ST6GAL2: variants seen among roughly 807,000 people sequenced by gnomAD.
ST6GAL2 encodes the protein beta-galactoside alpha-2,6-sialyltransferase 2.
ST6GAL2 carries 24 observed loss-of-function variants against 37.5 expected under a neutral mutation model. That is an observed-to-expected ratio of 0.64 (90% CI 0.46 to 0.90). The LOEUF is 0.90. ST6GAL2 is among the 40% of genes least tolerant of loss of function. The pLI, the probability that ST6GAL2 is intolerant of heterozygous loss-of-function variation, is 0.00. For synonymous variants in ST6GAL2, 306 were observed against 295.1 expected (o/e 1.04, Z -0.38); for missense variants, 715 against 712.7 (o/e 1.00, Z -0.04).
intron 2 of ST6GAL2, chr2:106,834,474 A>G (rs1414633038): frequency 8.6e-6 from 2 of 232,344 alleles, no homozygotes; most frequent in Non-Finnish European, 1.7e-5. Flanking sequence ...AAAGCTTCCA[A>G]TACATCTTGA....
At position 106,843,731 on chromosome 2, in the gene ST6GAL2, C is replaced by T. The variant is rs762905808; in HGVS notation, c.247G>A (p.Ala83Thr). The T allele has an allele frequency of 2.5e-6, 4 of 1,612,244 alleles. No individual in the cohort carries two copies. The highest frequency in any genetic ancestry group is 3.4e-6 in the Non-Finnish European group (4 of 1,179,604). The change falls in exon 2 of 6, where the codon GCC becomes ACC. Residue 83 changes from alanine (A) to threonine (T), a missense_variant. By Grantham distance (58) the Ala-to-Thr change is moderately conservative (BLOSUM62 0). Transcript: ENST00000409382. The stretch of plus-strand genomic sequence containing the variant: ...GCATGAAAGGAACCGGCTGGGTGGG[C>T]GCGGGGCAGCGCCTGGCGTGCGTCC... ...GLDARQALPR[A>T]HPAGSFHAGP...
rs1675307451 is a variant in ST6GAL2 at position 106,802,998 on chromosome 2, G to A, written c.*3680C>T. ...TCATCTAAGACTGATCCCACTTAAA[G>A]CACCCAAACGGGACCTACCTAATTA... On this transcript the variant is annotated 3_prime_UTR_variant, in exon 6 of 6. Coordinates refer to ENST00000409382, the MANE Select transcript of ST6GAL2 (RefSeq NM_001142351.2). The A allele has an allele frequency of 6.6e-6, 1 of 152,114 alleles. No homozygotes were observed. 9.4% of individuals were successfully genotyped at this position (152,114 alleles called of 1,614,324 possible).
chr2:106,880,612 A>T (rs1209426511), intron 1 of ST6GAL2, among the ~76,000 whole-genome samples: 2 of 152,246 alleles, frequency 1.3e-5, no homozygotes, highest in Non-Finnish European at 2.9e-5. Context: ...TGTTTTCCAT[A>T]TGTATCCTAT....
At chr2:106,857,354 G>A (rs1464031042) in intron 1 of ST6GAL2, among the ~76,000 whole-genome samples, 1 of 152,108 alleles carries the variant, frequency 6.6e-6, no homozygotes, top group Non-Finnish European at 1.5e-5. Flanking sequence ...TGTAATCCCA[G>A]CACTTTGGGA....
chr2:106,853,259 C>T (rs1323854379), intron 1 of ST6GAL2, among the ~76,000 whole-genome samples: 1 of 152,180 alleles, frequency 6.6e-6, no homozygotes, highest in Non-Finnish European at 1.5e-5. Flanking sequence ...TTTCCCATGC[C>T]CCGCCTTCGT....
chr2:106,874,474 T>C (rs1186983035), intron 1 of ST6GAL2, among the ~76,000 whole-genome samples: 1 of 152,056 alleles, frequency 6.6e-6, no homozygotes, highest in Non-Finnish European at 1.5e-5. Flanking sequence ...GTGTTCGGTA[T>C]GCAATGGACG....
At chr2:106,844,662 G>A (rs1342466448) in intron 1 of ST6GAL2, among the ~76,000 whole-genome samples, 1 of 152,166 alleles carries the variant, frequency 6.6e-6, no homozygotes, top group African/African-American at 2.4e-5. Context: ...TTATTTCAGG[G>A]TGCCTGTTGT....
At chr2:106,869,363 T>C (rs895100574) in intron 1 of ST6GAL2, among the ~76,000 whole-genome samples, 2 of 152,212 alleles carry the variant, frequency 1.3e-5, no homozygotes, top group African/African-American at 2.4e-5. Context: ...AGGGCTACTC[T>C]GTCAATTTTC....
intron 5 of ST6GAL2, among the ~76,000 whole-genome samples, chr2:106,810,274 T>C (rs954526609): frequency 6.6e-6 from 1 of 152,224 alleles, no homozygotes; most frequent in African/African-American, 2.4e-5. Flanking sequence ...ATAGGCACAC[T>C]TTTAGTATTT....
At chr2:106,830,264 G>A (rs777425852) in intron 4 of ST6GAL2, 24 bp from the exon 5 acceptor site, 1 of 1,595,366 alleles carries the variant, frequency 6.3e-7, no homozygotes, top group Admixed American at 1.7e-5. Flanking sequence ...AATCAATGCA[G>A]TCAAGTAGAA....
Position 106,843,605 on chromosome 2 carries a change from A to T in ST6GAL2, c.373T>A (p.Tyr125Asn). Residue 125 changes from tyrosine (Y) to asparagine (N), a missense_variant, in exon 2 of 6, where the codon TAC becomes AAC. Tyr to Asn is a moderately radical substitution (Grantham distance 143, BLOSUM62 -2). Coordinates refer to ENST00000409382, the MANE Select transcript of ST6GAL2 (RefSeq NM_001142351.2). ...AAAAAGTAGTCGTCATCCTCCGGGT[A>T]GAAAGCACTTTGAGATTTTCTCCCC... ...QVGRKSQSAF[Y>N]PEDDDYFFAA... 1 of 1,614,020 alleles carries T rather than the reference A, an allele frequency of 6.2e-7. No homozygotes were observed. Among genetic ancestry groups the T allele is most frequent in the South Asian group, 1.1e-5 (1 of 91,086 alleles).
rs140477616 is a variant in ST6GAL2, at chr2:106,815,532, T to C, written c.1319-8583A>G. ...CTATTTTCACCTTGATTATAGGTCT[T>C]AATGAAAGAACAGTCCTTTTCTGTT... On this transcript the variant is annotated intron_variant, in intron 5 of 5. Transcript: ENST00000409382. 3.4e-3 allele frequency among the ~76,000 whole-genome samples: 513 copies of C among 152,342 alleles called. 5 individuals are homozygous for C. The highest frequency in any genetic ancestry group is 0.012 in the African/African-American group (481 of 41,588).
chr2:106,885,571 T>A (rs371868749), intron 1 of ST6GAL2, among the ~76,000 whole-genome samples: 3 of 152,104 alleles, frequency 2.0e-5, no homozygotes, highest in African/African-American at 7.2e-5. Context: ...CAAATCCGAA[T>A]GAGATGGACG....
chr2:106,838,895 G>T (rs1676754478), intron 2 of ST6GAL2, among the ~76,000 whole-genome samples: 1 of 152,012 alleles, frequency 6.6e-6, no homozygotes, highest in Non-Finnish European at 1.5e-5. Context: ...AATTAGCCGG[G>T]TATGGTGGCG....
At chr2:106,828,260 G>GGGTGAC (rs1170384017) in intron 5 of ST6GAL2, among the ~76,000 whole-genome samples, 1 of 152,082 alleles carries the variant, frequency 6.6e-6, no homozygotes, top group African/African-American at 2.4e-5. Context: ...ATTCATGAGA[G>GGGTGAC]GGTGACAATA....
chr2:106,861,995 A>G (rs187067936), intron 1 of ST6GAL2, among the ~76,000 whole-genome samples: 4 of 152,320 alleles, frequency 2.6e-5, no homozygotes, highest in African/African-American at 9.6e-5. Flanking sequence ...ATACAAATGG[A>G]ATTACAATAA....
Position 106,843,392 on chromosome 2 carries a change from A to G in ST6GAL2, c.586T>C (p.Tyr196His). The stretch of plus-strand genomic sequence containing the variant: ...AGGAAGGCCCTGGACATGGAGGAGT[A>G]CAGCCTGTCGCCGTCGTCGCCCTCC... ...LEEGDDGDRLYSSMSRAFLYR... is the reference protein window; with the variant it reads ...LEEGDDGDRLHSSMSRAFLYR... Residue 196 changes from tyrosine (Y) to histidine (H), a missense_variant, in exon 2 of 6, where the codon TAC (tyrosine) becomes CAC (histidine). Transcript: ENST00000409382. The G allele has an allele frequency of 1.2e-6, 2 of 1,614,126 alleles. No individual in the cohort carries two copies. Among genetic ancestry groups the G allele is most frequent in the Non-Finnish European group, 8.5e-7 (1 of 1,180,004 alleles).
intron 1 of ST6GAL2, among the ~76,000 whole-genome samples, chr2:106,845,217 G>C (rs767152770): frequency 6.6e-6 from 1 of 152,158 alleles, no homozygotes; most frequent in Non-Finnish European, 1.5e-5. Flanking sequence ...AAGACCATTT[G>C]GGGAAAACAT....
At chr2:106,852,425 A>G (rs1368670848) in intron 1 of ST6GAL2, among the ~76,000 whole-genome samples, 1 of 152,134 alleles carries the variant, frequency 6.6e-6, no homozygotes, top group Non-Finnish European at 1.5e-5. Context: ...TAAGTTTAAA[A>G]CACTGGCGGC....
Sources: allele counts gnomAD v4.1 joint callset (sites outside exome capture counted in the v4.1 genomes callset), GRCh38; gene constraint gnomAD v4.1.1; transcripts MANE v1.5; gene names NCBI Gene and HGNC (gene_info 2026-07-23, HGNC 2026-07-21).